CSNK1A1: variants seen among roughly 807,000 people sequenced by gnomAD.
CSNK1A1 encodes the protein casein kinase I isoform alpha.
In CSNK1A1, 7 loss-of-function variants were observed where a neutral mutation model predicts 46.1. That is an observed-to-expected ratio of 0.15 (90% CI 0.09 to 0.29). The LOEUF is 0.29. Ranked by LOEUF, CSNK1A1 falls within the 10% of genes least tolerant of loss-of-function variation. The pLI is 1.00. For missense variants in CSNK1A1, 96 were observed against 417.1 expected, an observed-to-expected ratio of 0.23 and a Z score of 6.71; for synonymous variants, 137 against 141.5, an observed-to-expected ratio of 0.97 and a Z score of 0.23.
At chr5:149,534,670 C>T (rs1762007349) in intron 2 of CSNK1A1, among the ~76,000 whole-genome samples, 1 of 151,984 alleles carries the variant, frequency 6.6e-6, no homozygotes, top group Admixed American at 6.5e-5. Flanking sequence ...ATAGCTCACA[C>T]CTGTAATCCC....
At position 149,493,500 on chromosome 5, in the gene CSNK1A1, T is replaced by C. The variant is rs1465486032; in HGVS notation, c.*3353A>G. ...TCCTCAAAACTGGTCTAACAAGTCA[T>C]TTCAGAAAATAATTTCACTTCAACA... On this transcript the variant is annotated 3_prime_UTR_variant, in exon 10 of 10. Transcript: ENST00000377843. The C allele has an allele frequency of 6.6e-6, 1 of 151,998 alleles. No individual in the cohort carries two copies. The highest frequency in any genetic ancestry group is 6.6e-5 in the Admixed American group (1 of 15,234). 9.4% of individuals were successfully genotyped at this position (151,998 alleles called of 1,614,324 possible).
rs533470590 is a variant in CSNK1A1 at position 149,549,484 on chromosome 5, C to T, written c.230+591G>A. On this transcript the variant is annotated intron_variant, in intron 2 of 9. Coordinates refer to ENST00000377843, the MANE Select transcript of CSNK1A1 (RefSeq NM_001892.6). ...CCGCCTCCTGCAGCTTTATTCTTGG[C>T]TTTTCAAAGGTTTAATCCACTCGGG... The T allele has an allele frequency of 6.0e-5, 42 of 702,510 alleles. No homozygotes were observed. The East Asian group carries it at 1.1e-3, about 18-fold the overall frequency. 43.5% of individuals were successfully genotyped at this position (702,510 alleles called of 1,614,324 possible).
intron 9 of CSNK1A1, chr5:149,501,866 G>T (rs1405615856): frequency 1.0e-6 from 1 of 972,640 alleles, no homozygotes; most frequent in Non-Finnish European, 1.2e-6. Context: ...CAAAGGGAGT[G>T]AAATAAATTT....
At chr5:149,524,474 G>T (rs1761670051) in intron 3 of CSNK1A1, among the ~76,000 whole-genome samples, 1 of 152,044 alleles carries the variant, frequency 6.6e-6, no homozygotes, top group African/African-American at 2.4e-5. Flanking sequence ...AACTTTGGCT[G>T]TAAAAACCAT....
At chr5:149,520,084 C>T (rs1468993970) in intron 4 of CSNK1A1, among the ~76,000 whole-genome samples, 1 of 152,132 alleles carries the variant, frequency 6.6e-6, no homozygotes. Flanking sequence ...AGGTAACTAA[C>T]CTCGGTTGGG....
intron 2 of CSNK1A1, chr5:149,545,712 G>C (rs1762457932): frequency 1.4e-6 from 1 of 693,412 alleles, no homozygotes; most frequent in South Asian, 1.5e-5. Context: ...TCTTGGCAAA[G>C]TGCATGTTCC....
At chr5:149,510,743 T>C (rs1761194215) in intron 6 of CSNK1A1, among the ~76,000 whole-genome samples, 1 of 151,968 alleles carries the variant, frequency 6.6e-6, no homozygotes, top group African/African-American at 2.4e-5. Flanking sequence ...CCTCCCAAAG[T>C]GTTGAAGATT....
chr5:149,547,879 TG>T (rs1401609759), intron 2 of CSNK1A1, among the ~76,000 whole-genome samples: 2 of 152,210 alleles, frequency 1.3e-5, no homozygotes, highest in South Asian at 4.1e-4. Context: ...TGTGTTTTTT[TG>T]TGTTTTTTTG....
chr5:149,538,954 T>C (rs1762147114), intron 2 of CSNK1A1, among the ~76,000 whole-genome samples: 1 of 150,638 alleles, frequency 6.6e-6, no homozygotes, highest in Admixed American at 6.6e-5. Flanking sequence ...AAAAATTAAA[T>C]GTATATAGAT....
chr5:149,530,244 A>G (rs1761851713), intron 2 of CSNK1A1, among the ~76,000 whole-genome samples: 1 of 152,248 alleles, frequency 6.6e-6, no homozygotes, highest in African/African-American at 2.4e-5. Context: ...AACTCATATT[A>G]GAAGCTGTAA....
chr5:149,513,741 A>T (rs551027645), intron 4 of CSNK1A1, among the ~76,000 whole-genome samples: 1 of 152,200 alleles, frequency 6.6e-6, no homozygotes, highest in South Asian at 2.1e-4. Flanking sequence ...CCTCTACAAA[A>T]AATACAAAAA....
chr5:149,507,238 A>C, intron 7 of CSNK1A1, 105 bp from the exon 8 acceptor site: 1 of 826,430 alleles, frequency 1.2e-6, no homozygotes, highest in Non-Finnish European at 1.9e-6. Flanking sequence ...GGGATATTTT[A>C]CCATTTCATA....
intron 2 of CSNK1A1, among the ~76,000 whole-genome samples, chr5:149,541,489 T>C (rs1762229888): frequency 6.6e-6 from 1 of 151,922 alleles, no homozygotes; most frequent in African/African-American, 2.4e-5. Context: ...CCATCTGAGA[T>C]TGAAATTAGA....
At chr5:149,549,574 T>A in intron 2 of CSNK1A1, 1 of 688,864 alleles carries the variant, frequency 1.5e-6, no homozygotes, top group Non-Finnish European at 2.7e-6. Flanking sequence ...GGCAGGAATA[T>A]GGGGTTGAGT....
At chr5:149,536,900 T>G (rs1361108513) in intron 2 of CSNK1A1, among the ~76,000 whole-genome samples, 1 of 152,214 alleles carries the variant, frequency 6.6e-6, no homozygotes, top group African/African-American at 2.4e-5. Context: ...GTTCTAGTCC[T>G]GGCTTGTTAT....
rs774119281 is a variant in CSNK1A1, at chr5:149,511,886, C to T, written c.597-14G>A. The T allele has an allele frequency of 4.4e-6, 7 of 1,579,352 alleles. No homozygotes were observed. Among genetic ancestry groups the T allele is most frequent in the Middle Eastern group, 1.7e-4 (1 of 5,822 alleles). On this transcript the variant is annotated splice_polypyrimidine_tract_variant and intron_variant, in intron 5 of 9. Transcript: ENST00000377843. ...TCATCTCGGCGACTAGAAAAGAGAA[C>T]GTAATTTTATAAACTGGAACTATTA...
intron 2 of CSNK1A1, among the ~76,000 whole-genome samples, chr5:149,531,890 T>C (rs954651366): frequency 6.6e-6 from 1 of 151,856 alleles, no homozygotes; most frequent in Non-Finnish European, 1.5e-5. Flanking sequence ...CTCCTTATTA[T>C]TATTATTTTT....
chr5:149,542,693 T>TATGTATATATATATATA (rs1491456740), intron 2 of CSNK1A1, among the ~76,000 whole-genome samples: 12 of 10,080 alleles, frequency 1.2e-3, no homozygotes, highest in African/African-American at 4.2e-3. Context: ...TATATATATA[T>TATGTATATATATATATA]TTTTTTTTTT....
Position 149,509,731 on chromosome 5 carries a change from G to A in CSNK1A1, c.750+148C>T, listed in dbSNP as rs78630187. ...ATCATTTATCTATTAAGGTAGAAAT[G>A]GGGTTTCCCTATGTTGCCCAGGCTG... On this transcript the variant is annotated intron_variant, in intron 7 of 9. Transcript: ENST00000377843. 3.8e-4 allele frequency: 172 copies of A among 449,124 alleles called. 3 individuals are homozygous for A. The highest frequency in any genetic ancestry group is 2.9e-3 in the African/African-American group (144 of 49,706). 27.8% of individuals were successfully genotyped at this position (449,124 alleles called of 1,614,324 possible).
Sources: gnomAD v4.1 joint callset for allele counts (sites outside exome capture counted in the v4.1 genomes callset) on GRCh38, gnomAD v4.1.1 for gene constraint, MANE v1.5 for transcripts, NCBI Gene and HGNC (gene_info 2026-07-23, HGNC 2026-07-21) for gene names.